SMARCA4: variants seen among roughly 807,000 people sequenced by gnomAD.
SMARCA4 encodes SWI/SNF related BAF chromatin remodeling complex subunit ATPase 4.
Under a neutral mutation model 193.9 loss-of-function variants are expected in SMARCA4, and 31 were observed. The observed-to-expected ratio is 0.16, with a 90% confidence interval of 0.12 to 0.22. The LOEUF (loss-of-function observed/expected upper bound fraction) is 0.22. Among genes scored for constraint, SMARCA4 ranks in the 10% least tolerant of loss-of-function variants. SMARCA4 has a pLI of 1.00. For missense variants in SMARCA4, 1,148 were observed against 2,296.0 expected (o/e 0.50, Z 10.22); for synonymous variants, 942 against 933.1 (o/e 1.01, Z -0.17).
chr19:11,058,994 G>T lies in SMARCA4; in HGVS notation c.4635+105G>T, dbSNP rs758354997. The T allele has an allele frequency of 1.3e-5, 12 of 897,022 alleles. No individual in the cohort carries two copies. The highest frequency in any genetic ancestry group is 3.3e-5 in the African/African-American group (2 of 60,924). 55.6% of individuals were successfully genotyped at this position (897,022 alleles called of 1,614,324 possible). ...AATTGATGGGTTAAAAACAAGTCCCGCTAGCTGTGGTGGTTCGTGCCTGTA... is the reference window on the plus strand; with the variant it reads ...AATTGATGGGTTAAAAACAAGTCCCTCTAGCTGTGGTGGTTCGTGCCTGTA... On this transcript the variant is annotated intron_variant, in intron 32 of 34. Transcript: ENST00000344626. This position sits in a 1 kb window ranked among gnomAD's most constrained non-coding sequence, Gnocchi z 5.8.
chr19:11,032,666 CAAA>C (rs553090305), intron 25 of SMARCA4: 39 of 112,702 alleles, frequency 3.5e-4, no homozygotes, highest in Admixed American at 8.1e-4. Flanking sequence ...GACTTTGTCT[CAAA>C]AAAAAAAAAA....
chr19:10,996,402 GC>G, intron 10 of SMARCA4, 22 bp downstream of exon 10: 10 of 1,614,016 alleles, frequency 6.2e-6, no homozygotes, highest in Non-Finnish European at 8.5e-6. Context: ...CTGGCATGGT[GC>G]CCGCCGCGGG....
Position 11,058,397 on chromosome 19 carries a change from G to T in SMARCA4, c.4533+34G>T. The T allele has an allele frequency of 6.9e-7, 1 of 1,444,590 alleles. No individual in the cohort carries two copies. Among genetic ancestry groups the T allele is most frequent in the Non-Finnish European group, 9.7e-7 (1 of 1,027,714 alleles). 89.5% of individuals were successfully genotyped at this position (1,444,590 alleles called of 1,614,324 possible). ...GACGTTGTACCTGCGCCCCGCATGT[G>T]CCCGGAGGGGAGTCTGACCCAGGGG... On this transcript the variant is annotated intron_variant, in intron 31 of 34. Coordinates refer to ENST00000344626, the MANE Select transcript of SMARCA4 (RefSeq NM_003072.5). This position sits in a 1 kb window ranked among gnomAD's most constrained non-coding sequence, Gnocchi z 5.8.
chr19:11,041,324 G>T lies in SMARCA4; in HGVS notation c.4188G>T (p.Thr1396=), dbSNP rs199847974. Residue 1396 remains threonine (T), a synonymous_variant, in exon 30 of 35, where the codon ACG becomes ACT. Coordinates refer to ENST00000344626, the MANE Select transcript of SMARCA4 (RefSeq NM_003072.5). This position sits in a 1 kb window ranked among gnomAD's most constrained non-coding sequence, Gnocchi z 5.6. ...CCCTGAAGGCCATCGAGGAGGGCAC[G>T]CTGGAGGAGATCGAAGAGGAGGTCC... ...KQWLKAIEEG[T]LEEIEEEVRQ... is the part of the protein sequence containing the mutation. 2 of 1,611,346 alleles carry T rather than the reference G, an allele frequency of 1.2e-6. No individual in the cohort carries two copies. The highest frequency in any genetic ancestry group is 1.7e-6 in the Non-Finnish European group (2 of 1,179,964).
Position 11,041,224 on chromosome 19 carries a change from G to T in SMARCA4, c.4171-83G>T. The T allele has an allele frequency of 3.4e-6, 5 of 1,481,642 alleles. No homozygotes were observed. Among genetic ancestry groups the T allele is most frequent in the Non-Finnish European group, 4.6e-6 (5 of 1,097,786 alleles). 91.8% of individuals were successfully genotyped at this position (1,481,642 alleles called of 1,614,324 possible). A position where few individuals can be genotyped will look rare whatever the true frequency, so the allele number is the denominator to read the frequency against. On this transcript the variant is annotated intron_variant, in intron 29 of 34. Transcript: ENST00000344626. The surrounding 1 kb of genome is among the most constrained non-coding windows in gnomAD (Gnocchi z 5.6). ...TGCGGGGGCCCTCCTCCGTGTCCCA[G>T]CCCGGCCCCTGGGATTGCGTCGCGG...
intron 14 of SMARCA4, among the ~76,000 whole-genome samples, chr19:11,009,915 C>T (rs2088653955): frequency 6.6e-6 from 1 of 152,112 alleles, no homozygotes; most frequent in Non-Finnish European, 1.5e-5. Context: ...TCTAGAATTC[C>T]TGACCTCAGG....
rs115998290 is a variant in SMARCA4, at chr19:11,056,936, A to C, written c.4425-1319A>C. Among the ~76,000 whole-genome samples, 284 of 152,342 alleles carry C rather than the reference A, an allele frequency of 1.9e-3. 3 individuals are homozygous for C. Among genetic ancestry groups the C allele is most frequent in the African/African-American group, 6.4e-3 (267 of 41,590 alleles). ...AACAGAAGCAAGACAAGGCGCACTCAGGACACCCAAACAGACGGCGGGGCC... is the reference window on the plus strand; with the variant it reads ...AACAGAAGCAAGACAAGGCGCACTCCGGACACCCAAACAGACGGCGGGGCC... On this transcript the variant is annotated intron_variant, in intron 30 of 34. Transcript: ENST00000344626.
In SMARCA4 at chr19:11,023,532, G is replaced by A. The variant is rs779031282; in HGVS notation, c.2874G>A (p.Glu958=). The change falls in exon 20 of 35, where the codon GAG becomes GAA. Residue 958 remains glutamate, a synonymous_variant. Coordinates refer to ENST00000344626, the MANE Select transcript of SMARCA4 (RefSeq NM_003072.5). The part of the protein sequence containing the change: ...AMTGEKVDLN[E]EETILIIRRL... ...GGGGCTTCCAGGTGGACCTGAATGAGGAGGAAACCATTCTCATCATCCGGC... is the reference window on the plus strand; with the variant it reads ...GGGGCTTCCAGGTGGACCTGAATGAAGAGGAAACCATTCTCATCATCCGGC... 2 of 1,610,758 alleles carry A rather than the reference G, an allele frequency of 1.2e-6. No homozygotes were observed. Among genetic ancestry groups the A allele is most frequent in the South Asian group, 2.2e-5 (2 of 90,814 alleles).
chr19:11,008,203 T>C, intron 14 of SMARCA4, 180 bp downstream of exon 14: 2 of 636,014 alleles, frequency 3.1e-6, no homozygotes, highest in Non-Finnish European at 5.7e-6. Context: ...AGGGATTTAA[T>C]AGAGCAATTG....
intron 34 of SMARCA4, among the ~76,000 whole-genome samples, chr19:11,061,200 AAAAAATATATATATATATAT>A (rs2076853196): frequency 1.4e-5 from 1 of 70,520 alleles, no homozygotes; most frequent in East Asian, 3.5e-4. Context: ...AAAAAAAAAA[AAAAAATATATATATATATAT>A]ATATATATAT....
intron 13 of SMARCA4, among the ~76,000 whole-genome samples, chr19:11,005,061 C>G (rs747146275): frequency 1.3e-5 from 2 of 152,146 alleles, no homozygotes; most frequent in Non-Finnish European, 2.9e-5. Context: ...GTCTCGAACT[C>G]CTGACCTCAG....
chr19:11,008,391 T>A (rs1338307281), intron 14 of SMARCA4: 2 of 352,008 alleles, frequency 5.7e-6, no homozygotes, highest in Non-Finnish European at 1.1e-5. Flanking sequence ...AAAATGTGCA[T>A]ATTTTTGTCT....
At chr19:11,055,784 G>A (rs781777774) in intron 30 of SMARCA4, among the ~76,000 whole-genome samples, 1 of 151,718 alleles carries the variant, frequency 6.6e-6, no homozygotes, top group Non-Finnish European at 1.5e-5. Context: ...AATAGAAATG[G>A]GGTTTTGCCA....
At chr19:11,035,483 C>T (rs990246082) in intron 29 of SMARCA4, among the ~76,000 whole-genome samples, 1 of 152,226 alleles carries the variant, frequency 6.6e-6, no homozygotes, top group Non-Finnish European at 1.5e-5. Flanking sequence ...AGGAGGGAGG[C>T]ACAAGGGTGA....
At chr19:10,975,660 G>A (rs2085071406) in intron 1 of SMARCA4, among the ~76,000 whole-genome samples, 1 of 152,018 alleles carries the variant, frequency 6.6e-6, no homozygotes, top group Non-Finnish European at 1.5e-5. Context: ...GTTGTGTGGG[G>A]GTTCTGATTG....
chr19:11,043,283 C>T (rs1009946654), intron 30 of SMARCA4, among the ~76,000 whole-genome samples: 4 of 151,204 alleles, frequency 2.6e-5, no homozygotes, highest in African/African-American at 4.9e-5. Flanking sequence ...AGTGAGACTC[C>T]GTCTCAAAAA....
At position 10,989,311 on chromosome 19, in the gene SMARCA4, T is replaced by C. The variant is rs368180712; in HGVS notation, c.1119-6T>C. ...CACCGCCTTTGCTCCTTGTCTCTGC[T>C]CCCAGGCTGCAGGCTCGCATCGCAC... is the stretch of plus-strand genomic sequence containing the variant. On this transcript the variant is annotated splice_region_variant and splice_polypyrimidine_tract_variant and intron_variant, in intron 6 of 34. Transcript: ENST00000344626. 9.6e-5 allele frequency: 155 copies of C among 1,613,752 alleles called. No individual in the cohort carries two copies. The highest frequency in any genetic ancestry group is 1.6e-4 in the Middle Eastern group (1 of 6,084).
intron 13 of SMARCA4, among the ~76,000 whole-genome samples, chr19:11,003,951 A>G (rs1055833591): frequency 1.3e-5 from 2 of 151,692 alleles, no homozygotes; most frequent in African/African-American, 4.8e-5. Flanking sequence ...ACCTGAAGTG[A>G]TCCACCTGCC....
chr19:11,001,271 C>T (rs1453961035), intron 11 of SMARCA4, among the ~76,000 whole-genome samples: 1 of 151,988 alleles, frequency 6.6e-6, no homozygotes. Flanking sequence ...GAGTTCAAGA[C>T]CAACCTGGGC....
Sources: allele counts gnomAD v4.1 joint callset (sites outside exome capture counted in the v4.1 genomes callset), GRCh38; gene constraint gnomAD v4.1.1; non-coding constraint Gnocchi (gnomAD v3.1); transcripts MANE v1.5; gene names NCBI Gene and HGNC (gene_info 2026-07-23, HGNC 2026-07-21).